Variants in ABL1 observed in about 807,000 individuals in gnomAD.
The protein encoded by ABL1 is ABL proto-oncogene 1, non-receptor tyrosine kinase, also known as tyrosine-protein kinase ABL1.
Under a neutral mutation model 94.7 loss-of-function variants are expected in ABL1, and 11 were observed. That is an observed-to-expected ratio of 0.12 (90% confidence interval 0.07 to 0.19). ABL1 has a LOEUF of 0.19. Among genes scored for constraint, ABL1 ranks in the 10% least tolerant of loss-of-function variants. The pLI is 1.00. For missense variants in ABL1, 1,082 were observed against 1,489.4 expected, an observed-to-expected ratio of 0.73 and a Z score of 4.50; for synonymous variants, 656 against 622.4, an observed-to-expected ratio of 1.05 and a Z score of -0.80.
intron 1 of ABL1, among the ~76,000 whole-genome samples, chr9:130,753,312 A>G (rs13300884): frequency 0.22 from 33,056 of 151,318 alleles, 4,672 homozygotes; most frequent in East Asian, 0.53. Context: ...GAACTTGGCT[A>G]TCACTTCCTC....
intron 1 of ABL1, among the ~76,000 whole-genome samples, chr9:130,807,671 TA>T (rs1564295814): frequency 8.6e-3 from 70 of 8,132 alleles, no homozygotes; most frequent in Admixed American, 0.048. Flanking sequence ...CTTAATTTTA[TA>T]TATATATATA....
rs1394145426 is a variant in ABL1, at chr9:130,884,577, C to T, written c.2287C>T (p.Pro763Ser). ...GCACAAAAGTGAGAAGCCGGCTCTG[C>T]CTCGGAAGAGGGCAGGGGAGAACAG... ...GGHKSEKPAL[P>S]RKRAGENRSD... The change falls in exon 11 of 11, where the codon CCT (proline) becomes TCT (serine). Residue 763 changes from proline (P) to serine (S), a missense_variant. Coordinates refer to ENST00000318560, the MANE Select transcript of ABL1 (RefSeq NM_005157.6). This position sits in a 1 kb window ranked among gnomAD's most constrained non-coding sequence, Gnocchi z 5.6. 1 of 1,613,330 alleles carries T rather than the reference C, an allele frequency of 6.2e-7. No homozygotes were observed. The highest frequency in any genetic ancestry group is 1.1e-5 in the South Asian group (1 of 91,082).
chr9:130,862,749 CCT>C lies in ABL1; in HGVS notation c.550-13_550-12del, dbSNP rs1376043157. ...TGTCTCTGTGGGCTGAAGGCTGTTC[CCT>C]GTTTCCTTCAGCTCTACGTCTCCTC... On this transcript the variant is annotated splice_polypyrimidine_tract_variant and intron_variant, in intron 3 of 10. Transcript: ENST00000318560. This position sits in a 1 kb window ranked among gnomAD's most constrained non-coding sequence, Gnocchi z 5.5. The C allele has an allele frequency of 8.7e-6, 14 of 1,611,172 alleles. No individual in the cohort carries two copies. The highest frequency in any genetic ancestry group is 1.3e-5 in the African/African-American group (1 of 74,848).
chr9:130,849,100 A>ATTGCGAGTATATTC (rs1281350362), intron 1 of ABL1, among the ~76,000 whole-genome samples: 3 of 152,222 alleles, frequency 2.0e-5, no homozygotes, highest in Non-Finnish European at 4.4e-5. Flanking sequence ...TTAATATATT[A>ATTGCGAGTATATTC]TTGCGAGTAT....
At position 130,762,372 on chromosome 9, in the gene ABL1, A is replaced by T. The variant is rs144259114; in HGVS notation, c.136+47917A>T. ...GTGCCATTGAATATAAAACATGGTA[A>T]TTTTTAAATTTGTGTGGTGTGCATG... On this transcript the variant is annotated intron_variant, in intron 1 of 10. Transcript: ENST00000372348. Among the ~76,000 whole-genome samples, 210 of 152,242 alleles carry T rather than the reference A, an allele frequency of 1.4e-3. 8 individuals are homozygous for T. In the East Asian group the frequency reaches 0.033, roughly 24 times the overall value.
chr9:130,814,291 A>C lies in ABL1; in HGVS notation c.137-39773A>C, dbSNP rs1830253260. Among the ~76,000 whole-genome samples, 1 of 152,078 alleles carries C rather than the reference A, an allele frequency of 6.6e-6. No individual in the cohort carries two copies. The highest frequency in any genetic ancestry group is 1.5e-5 in the Non-Finnish European group (1 of 68,026). On this transcript the variant is annotated intron_variant, in intron 1 of 10. Transcript: ENST00000372348. This position sits in a 1 kb window ranked among gnomAD's most constrained non-coding sequence, Gnocchi z 4.4. The stretch of plus-strand genomic sequence containing the variant: ...ACAGAACGAGACTCCGTCTCAAAAA[A>C]AAAAGAAAGAAAGAAAGAAAAAGAA...
At chr9:130,825,786 C>G (rs36015564) in intron 1 of ABL1, among the ~76,000 whole-genome samples, 3 of 152,208 alleles carry the variant, frequency 2.0e-5, no homozygotes, top group African/African-American at 7.2e-5. Flanking sequence ...TAAGAATATC[C>G]CAAACCATTT....
chr9:130,783,449 C>A (rs182897496), intron 1 of ABL1, among the ~76,000 whole-genome samples: 1 of 152,234 alleles, frequency 6.6e-6, no homozygotes, highest in African/African-American at 2.4e-5. Context: ...AAGGATATAT[C>A]CTGAATTGCA....
intron 1 of ABL1, among the ~76,000 whole-genome samples, chr9:130,718,593 G>GT (rs1337632619): frequency 1.3e-5 from 2 of 152,134 alleles, no homozygotes; most frequent in Non-Finnish European, 2.9e-5. Flanking sequence ...AGATTAAAAA[G>GT]TTTGAGGCCA....
intron 1 of ABL1, among the ~76,000 whole-genome samples, chr9:130,742,194 C>T (rs1735769139): frequency 6.6e-6 from 1 of 151,988 alleles, no homozygotes; most frequent in South Asian, 2.1e-4. Context: ...GTACTTTTTG[C>T]CACTTGTGTG....
intron 1 of ABL1, among the ~76,000 whole-genome samples, chr9:130,839,077 ATT>A (rs58433816): frequency 4.2e-5 from 6 of 143,932 alleles, no homozygotes; most frequent in Admixed American, 6.9e-5. Context: ...ACTAATTAAA[ATT>A]TTTTTTTTTT....
chr9:130,729,120 C>T (rs890201007), intron 1 of ABL1, among the ~76,000 whole-genome samples: 1 of 152,106 alleles, frequency 6.6e-6, no homozygotes, highest in South Asian at 2.1e-4. Context: ...ACACCCGGCC[C>T]TTAGAATAGA....
intron 1 of ABL1, among the ~76,000 whole-genome samples, chr9:130,853,417 AC>A (rs1045091671): frequency 6.5e-5 from 9 of 139,206 alleles, no homozygotes; most frequent in African/African-American, 2.4e-4. Flanking sequence ...CTCATGATCC[AC>A]CCCCGGCTTT....
chr9:130,724,747 TAAA>T (rs34124679), intron 1 of ABL1: 5,740 of 306,660 alleles, frequency 0.019, no homozygotes, highest in South Asian at 0.025. Flanking sequence ...ACCCTGTCTT[TAAA>T]AAAAAAAAAA....
At chr9:130,828,163 C>T (rs1472038581) in intron 1 of ABL1, among the ~76,000 whole-genome samples, 1 of 152,016 alleles carries the variant, frequency 6.6e-6, no homozygotes, top group Non-Finnish European at 1.5e-5. Flanking sequence ...CAGCTCACTG[C>T]AGCCCCAACC....
intron 1 of ABL1, among the ~76,000 whole-genome samples, chr9:130,830,241 CT>C (rs1830478356): frequency 6.6e-6 from 1 of 152,128 alleles, no homozygotes; most frequent in Non-Finnish European, 1.5e-5. Context: ...ATGAGATTTT[CT>C]AGAAAGCGGA....
Position 130,835,321 on chromosome 9 carries a change from CG to C in ABL1, c.-124del. 6.4e-6 allele frequency: 1 copy of C among 155,698 alleles called. No homozygotes were observed. Among genetic ancestry groups the C allele is most frequent in the Non-Finnish European group, 8.7e-6 (1 of 114,776 alleles). 9.6% of individuals were successfully genotyped at this position (155,698 alleles called of 1,614,324 possible). A position where few individuals can be genotyped will look rare whatever the true frequency, so the allele number is the denominator to read the frequency against. ...CATGGGCGGGCGCGGGCGCGCGGGG[CG>C]GCGGTGAGGGCGGCTGGCGGGGCCG... is the stretch of plus-strand genomic sequence containing the variant. On this transcript the variant is annotated 5_prime_UTR_variant, in exon 1 of 11. The change abolishes the stop of an existing upstream ORF in the 5' untranslated region. Coordinates refer to ENST00000318560, the MANE Select transcript of ABL1 (RefSeq NM_005157.6). This position sits in a 1 kb window ranked among gnomAD's most constrained non-coding sequence, Gnocchi z 4.6.
At chr9:130,734,557 C>T (rs867530785) in intron 1 of ABL1, among the ~76,000 whole-genome samples, 11 of 122,632 alleles carry the variant, frequency 9.0e-5, no homozygotes, top group African/African-American at 2.5e-4. Context: ...GGTCTCACTC[C>T]GTCACCCAGG....
At chr9:130,780,470 G>C (rs879471599) in intron 1 of ABL1, among the ~76,000 whole-genome samples, 2 of 152,202 alleles carry the variant, frequency 1.3e-5, no homozygotes, top group African/African-American at 2.4e-5. Context: ...TGATCTTGGA[G>C]CTGTCTGGAT....
Sources: gnomAD v4.1 joint callset for allele counts (sites outside exome capture counted in the v4.1 genomes callset) on GRCh38, gnomAD v4.1.1 for gene constraint, Gnocchi (gnomAD v3.1) non-coding constraint, MANE v1.5 for transcripts, NCBI Gene and HGNC (gene_info 2026-07-23, HGNC 2026-07-21) for gene names.